CACNB2: variants seen among roughly 807,000 people sequenced by gnomAD.
The protein encoded by CACNB2 is calcium voltage-gated channel auxiliary subunit beta 2.
Under a neutral mutation model 73.3 loss-of-function variants are expected in CACNB2, and 42 were observed. The observed-to-expected ratio is 0.57, with a 90% CI of 0.45 to 0.74. The LOEUF (loss-of-function observed/expected upper bound fraction) is 0.74, where lower values mean the gene tolerates loss of function less well. CACNB2 is among the 30% of genes least tolerant of loss of function. The pLI, the probability that CACNB2 is intolerant of heterozygous loss-of-function variation, is 0.00. For synonymous variants in CACNB2, 348 were observed against 310.3 expected, an observed-to-expected ratio of 1.12 and a Z score of -1.28; for missense variants, 940 against 853.0, an observed-to-expected ratio of 1.10 and a Z score of -1.27.
rs140542975 is a variant in CACNB2, at chr10:18,514,238, A to G, written c.673A>G (p.Ile225Val). The G allele has an allele frequency of 3.2e-5, 52 of 1,613,880 alleles. 1 individual carries two copies. The highest frequency in any genetic ancestry group is 3.3e-4 in the Middle Eastern group (2 of 6,084). ...ATTTTTGAATTGTCTGTATATAGCTATAGACATAGATGCTACTGGCTTAGA... is the reference window on the plus strand; with the variant it reads ...ATTTTTGAATTGTCTGTATATAGCTGTAGACATAGATGCTACTGGCTTAGA... ...SRKSTPPSSAIDIDATGLDAE... is the reference protein window; with the variant it reads ...SRKSTPPSSAVDIDATGLDAE... The change falls in exon 7 of 14, where the codon ATA (isoleucine) becomes GTA (valine). Residue 225 changes from isoleucine (I) to valine (V), a missense_variant and splice_region_variant. Coordinates refer to ENST00000324631, the MANE Select transcript of CACNB2 (RefSeq NM_201596.3).
chr10:18,446,845 G>T (rs567256879), intron 3 of CACNB2, among the ~76,000 whole-genome samples: 1 of 152,148 alleles, frequency 6.6e-6, no homozygotes, highest in East Asian at 1.9e-4. Flanking sequence ...CAGGAGGATC[G>T]CTGGAGCCCA....
chr10:18,447,355 T>C (rs966657941), intron 3 of CACNB2, among the ~76,000 whole-genome samples: 1 of 152,140 alleles, frequency 6.6e-6, no homozygotes, highest in African/African-American at 2.4e-5. Context: ...GATAGCAAGA[T>C]TAATCTGGGG....
intron 2 of CACNB2, among the ~76,000 whole-genome samples, chr10:18,155,718 G>A (rs1313130795): frequency 6.6e-6 from 1 of 152,140 alleles, no homozygotes; most frequent in Non-Finnish European, 1.5e-5. Flanking sequence ...CTAACACTTA[G>A]TAGTGTCAAT....
rs1464034440 is a variant in CACNB2, at chr10:18,152,721, AAAAAAAAAAAACAAAAAAC to A, written c.213+1751_213+1769del. 6.7e-3 allele frequency among the ~76,000 whole-genome samples: 905 copies of A among 134,216 alleles called. 12 individuals are homozygous for A. Among genetic ancestry groups the A allele is most frequent in the African/African-American group, 0.027 (855 of 32,238 alleles). The allele number at this position is 134,216 out of a possible 152,430, so 88.1% of individuals were successfully genotyped here. ...ACCTGAAACAGACCAAAAAAAAAAA[AAAAAAAAAAAACAAAAAAC>A]AAAACACTAGCTCCTTAGTGTGCAT... is the stretch of plus-strand genomic sequence containing the variant. On this transcript the variant is annotated intron_variant, in intron 2 of 13. Coordinates refer to ENST00000324631, the MANE Select transcript of CACNB2 (RefSeq NM_201596.3).
chr10:18,538,189 G>C lies in CACNB2; in HGVS notation c.1312G>C (p.Asp438His). 2 of 1,614,100 alleles carry C rather than the reference G, an allele frequency of 1.2e-6. No homozygotes were observed. The highest frequency in any genetic ancestry group is 1.7e-5 in the Admixed American group (1 of 60,022). The stretch of plus-strand genomic sequence containing the variant: ...ATGTCTGCCTCTGCAGGAGCTGTTC[G>C]ATGTGATCTTGGATGAGAACCAGCT... Reference protein sequence around the residue: ...KLAQCPPELFDVILDENQLED... With the variant: ...KLAQCPPELFHVILDENQLED... The change falls in exon 13 of 14, where the codon GAT becomes CAT. Residue 438 changes from aspartate to histidine, a missense_variant. Transcript: ENST00000324631.
intron 2 of CACNB2, among the ~76,000 whole-genome samples, chr10:18,337,350 T>C (rs1250628042): frequency 1.3e-5 from 2 of 152,134 alleles, no homozygotes; most frequent in Non-Finnish European, 2.9e-5. Flanking sequence ...GATCCGTCCA[T>C]CTCAGCCTCC....
chr10:18,350,101 C>G (rs2041642522), intron 2 of CACNB2, among the ~76,000 whole-genome samples: 1 of 151,966 alleles, frequency 6.6e-6, no homozygotes, highest in African/African-American at 2.4e-5. Flanking sequence ...AAAAATTAGC[C>G]AGGCATGGTG....
intron 2 of CACNB2, among the ~76,000 whole-genome samples, chr10:18,281,213 A>G (rs915453608): frequency 2.0e-5 from 3 of 152,240 alleles, no homozygotes; most frequent in African/African-American, 7.2e-5. Flanking sequence ...TGCCTCAAGC[A>G]GAGAAAATTG....
At chr10:18,491,058 G>A (rs928337719) in intron 3 of CACNB2, among the ~76,000 whole-genome samples, 1 of 152,140 alleles carries the variant, frequency 6.6e-6, no homozygotes, top group Non-Finnish European at 1.5e-5. Context: ...TGGTGTTCCC[G>A]TGAAACCTCT....
intron 2 of CACNB2, among the ~76,000 whole-genome samples, chr10:18,242,170 T>A (rs1346444843): frequency 2.0e-5 from 3 of 151,868 alleles, no homozygotes; most frequent in African/African-American, 7.3e-5. Flanking sequence ...AAAATGAATG[T>A]CCTATTATAA....
intron 2 of CACNB2, among the ~76,000 whole-genome samples, chr10:18,163,641 G>A (rs966720943): frequency 1.3e-5 from 2 of 152,240 alleles, no homozygotes; most frequent in African/African-American, 4.8e-5. Context: ...AGAAACAGAG[G>A]TGTTCAGTTA....
intron 2 of CACNB2, among the ~76,000 whole-genome samples, chr10:18,166,746 G>A (rs560523436): frequency 8.5e-5 from 13 of 152,224 alleles, no homozygotes; most frequent in East Asian, 3.9e-4. Context: ...GACTGTTGTC[G>A]GGTAGGGGGA....
chr10:18,203,695 T>C (rs1025187602), intron 2 of CACNB2, among the ~76,000 whole-genome samples: 2 of 152,146 alleles, frequency 1.3e-5, no homozygotes, highest in African/African-American at 2.4e-5. Flanking sequence ...CAATTACATA[T>C]ATGGTAATGA....
chr10:18,313,388 T>C (rs2040034997), intron 2 of CACNB2, among the ~76,000 whole-genome samples: 1 of 150,926 alleles, frequency 6.6e-6, no homozygotes, highest in Non-Finnish European at 1.5e-5. Flanking sequence ...CCAGAAACAC[T>C]CCTCTCCAAC....
intron 2 of CACNB2, among the ~76,000 whole-genome samples, chr10:18,225,141 T>A (rs1346430488): frequency 6.6e-6 from 1 of 152,200 alleles, no homozygotes; most frequent in East Asian, 1.9e-4. Context: ...ATAAGCTTTT[T>A]TTTTTTAAAG....
chr10:18,405,651 G>A (rs1284473998), intron 3 of CACNB2, among the ~76,000 whole-genome samples: 1 of 152,114 alleles, frequency 6.6e-6, no homozygotes, highest in African/African-American at 2.4e-5. Flanking sequence ...TGTAGAAGGA[G>A]TTGAAGCAGT....
At chr10:18,387,233 A>AAT in intron 2 of CACNB2, among the ~76,000 whole-genome samples, 1 of 152,242 alleles carries the variant, frequency 6.6e-6, no homozygotes, top group East Asian at 1.9e-4. Flanking sequence ...ACACAGCCTA[A>AAT]ATATCTATTT....
At chr10:18,218,739 C>T (rs759877983) in intron 2 of CACNB2, among the ~76,000 whole-genome samples, 5 of 152,018 alleles carry the variant, frequency 3.3e-5, no homozygotes, top group South Asian at 4.2e-4. Context: ...CATGGTGGCA[C>T]GTGCCTGTAG....
At chr10:18,189,557 G>A (rs2034303442) in intron 2 of CACNB2, among the ~76,000 whole-genome samples, 2 of 152,078 alleles carry the variant, frequency 1.3e-5, no homozygotes, top group African/African-American at 4.8e-5. Flanking sequence ...TTTTCTCCTA[G>A]CGTTTGCTAT....
Sources: gnomAD v4.1 joint callset for allele counts (sites outside exome capture counted in the v4.1 genomes callset) on GRCh38, gnomAD v4.1.1 for gene constraint, MANE v1.5 for transcripts, NCBI Gene and HGNC (gene_info 2026-07-23, HGNC 2026-07-21) for gene names.